GSK3B: variants seen among roughly 807,000 people sequenced by gnomAD.
The protein encoded by GSK3B is glycogen synthase kinase 3 beta, also known as glycogen synthase kinase-3 beta.
A neutral mutation model predicts 56.4 loss-of-function variants in GSK3B; 15 were observed. The observed-to-expected ratio is 0.27, with a 90% CI of 0.18 to 0.41. The LOEUF is 0.41. Among genes scored for constraint, GSK3B ranks in the 10% least tolerant of loss-of-function variants. GSK3B has a pLI of 1.00. For synonymous variants in GSK3B, 181 were observed against 188.9 expected, an observed-to-expected ratio of 0.96 and a Z score of 0.34; for missense variants, 300 against 513.4, an observed-to-expected ratio of 0.58 and a Z score of 4.02.
intron 1 of GSK3B, among the ~76,000 whole-genome samples, chr3:120,092,862 G>C (rs1274437502): frequency 1.3e-5 from 2 of 152,202 alleles, no homozygotes. Flanking sequence ...AAAATGTTGG[G>C]AGGGTGGGAC....
chr3:119,901,586 T>C (rs2108076336), intron 7 of GSK3B, among the ~76,000 whole-genome samples: 1 of 152,298 alleles, frequency 6.6e-6, no homozygotes, highest in African/African-American at 2.4e-5. Flanking sequence ...GTTTTACTCA[T>C]GCTGTAAATT....
At chr3:120,065,694 G>A (rs1490939208) in intron 1 of GSK3B, among the ~76,000 whole-genome samples, 8 of 152,014 alleles carry the variant, frequency 5.3e-5, no homozygotes, top group Admixed American at 2.0e-4. Context: ...ATAGCCAAAA[G>A]CCATAAAAAA....
rs1450599846 is a variant in GSK3B, at chr3:120,053,836, T to G, written c.88+39511A>C. On this transcript the variant is annotated intron_variant, in intron 1 of 10. Transcript: ENST00000264235. Reference sequence around the variant, plus strand: ...CTCTCTTTGCCTGCTGCCATCCATGTAAGCCGTGACTTGCTCCTCCTTGCT... The same window carrying G: ...CTCTCTTTGCCTGCTGCCATCCATGGAAGCCGTGACTTGCTCCTCCTTGCT... Among the ~76,000 whole-genome samples the G allele has an allele frequency of 3.3e-5, 5 of 152,320 alleles. No homozygotes were observed. The South Asian group carries it at 6.2e-4, about 19-fold the overall frequency.
At chr3:119,866,130 T>C (rs950782002) in intron 8 of GSK3B, among the ~76,000 whole-genome samples, 5 of 152,124 alleles carry the variant, frequency 3.3e-5, no homozygotes, top group Non-Finnish European at 7.4e-5. Context: ...TGAGTTAGCA[T>C]GTAACTTCTA....
intron 7 of GSK3B, among the ~76,000 whole-genome samples, chr3:119,883,279 C>T (rs2056399023): frequency 1.3e-5 from 2 of 151,952 alleles, no homozygotes; most frequent in Non-Finnish European, 2.9e-5. Context: ...ATTTGAAACA[C>T]TGAAGAATAT....
chr3:119,927,233 T>C (rs1394517155), intron 3 of GSK3B, among the ~76,000 whole-genome samples: 1 of 152,230 alleles, frequency 6.6e-6, no homozygotes, highest in African/African-American at 2.4e-5. Flanking sequence ...TTTTCAATTA[T>C]ATCAATAAAG....
At chr3:119,984,649 C>T (rs149479701) in intron 2 of GSK3B, among the ~76,000 whole-genome samples, 398 of 152,278 alleles carry the variant, frequency 2.6e-3, no homozygotes, top group African/African-American at 8.5e-3. Context: ...CATACACCCT[C>T]CCAAGAATAA....
At chr3:120,029,088 T>G (rs1376056661) in intron 1 of GSK3B, 3 of 781,974 alleles carry the variant, frequency 3.8e-6, no homozygotes, top group Non-Finnish European at 6.5e-6. Flanking sequence ...CAGCTACTAT[T>G]TGGCAATATG....
intron 8 of GSK3B, among the ~76,000 whole-genome samples, chr3:119,871,880 T>C (rs577533988): frequency 6.6e-6 from 1 of 152,292 alleles, no homozygotes; most frequent in Admixed American, 6.5e-5. Context: ...TGTTAAGAGA[T>C]CAGCAGGCCT....
chr3:120,045,247 T>G (rs187519884), intron 1 of GSK3B, among the ~76,000 whole-genome samples: 2 of 152,344 alleles, frequency 1.3e-5, no homozygotes, highest in Admixed American at 6.5e-5. Context: ...AACTGTAAGA[T>G]ATAATGAATT....
intron 3 of GSK3B, among the ~76,000 whole-genome samples, chr3:119,936,332 TA>T (rs1052636709): frequency 1.1e-4 from 15 of 138,438 alleles, no homozygotes; most frequent in South Asian, 2.2e-4. Context: ...TAAATATATA[TA>T]AAAAATATAT....
At chr3:120,068,663 G>A (rs2058300989) in intron 1 of GSK3B, among the ~76,000 whole-genome samples, 1 of 151,920 alleles carries the variant, frequency 6.6e-6, no homozygotes, top group Non-Finnish European at 1.5e-5. Context: ...TCACGCCACT[G>A]CACTCCAGCC....
intron 10 of GSK3B, among the ~76,000 whole-genome samples, chr3:119,839,905 G>T (rs1408846807): frequency 6.6e-6 from 1 of 152,186 alleles, no homozygotes; most frequent in Non-Finnish European, 1.5e-5. Context: ...TTACTGTGGT[G>T]ATGTAGCTTA....
chr3:119,989,995 T>C (rs2057549274), intron 2 of GSK3B, among the ~76,000 whole-genome samples: 1 of 152,230 alleles, frequency 6.6e-6, no homozygotes, highest in South Asian at 2.1e-4. Context: ...AGTAGGAGCA[T>C]CGCCATCTTG....
intron 4 of GSK3B, 25 bp from the exon 5 acceptor site, chr3:119,916,199 T>C: frequency 1.9e-6 from 3 of 1,566,246 alleles, no homozygotes; most frequent in Non-Finnish European, 2.6e-6. Context: ...AGAAATTAAT[T>C]AAATACTTCC....
At chr3:119,827,446 T>C (rs780023044) in intron 10 of GSK3B, among the ~76,000 whole-genome samples, 11 of 151,868 alleles carry the variant, frequency 7.2e-5, no homozygotes, top group Non-Finnish European at 1.6e-4. Flanking sequence ...AAAGAAAATG[T>C]GGTATATATA....
intron 10 of GSK3B, among the ~76,000 whole-genome samples, chr3:119,831,522 T>C (rs2055598809): frequency 6.6e-6 from 1 of 151,780 alleles, no homozygotes; most frequent in Admixed American, 6.6e-5. Context: ...CTGGGCATAG[T>C]GGCGGGCGCC....
intron 1 of GSK3B, chr3:120,028,725 G>C (rs1310361350): frequency 8.5e-6 from 4 of 468,280 alleles, no homozygotes; most frequent in South Asian, 6.4e-5. Flanking sequence ...CCATGGTGGG[G>C]CAGAGGTTGG....
chr3:119,865,749 G>C (rs1266668202), intron 8 of GSK3B, among the ~76,000 whole-genome samples: 4 of 151,822 alleles, frequency 2.6e-5, no homozygotes, highest in Non-Finnish European at 5.9e-5. Context: ...GATTACAGGC[G>C]TGAGCCACCG....
Sources: gnomAD v4.1 joint callset for allele counts (sites outside exome capture counted in the v4.1 genomes callset) on GRCh38, gnomAD v4.1.1 for gene constraint, MANE v1.5 for transcripts, NCBI Gene and HGNC (gene_info 2026-07-23, HGNC 2026-07-21) for gene names.